CACNA1E: variants seen among roughly 807,000 people sequenced by gnomAD.
The protein encoded by CACNA1E is voltage-dependent R-type calcium channel subunit alpha-1E.
Under a neutral mutation model 259.2 loss-of-function variants are expected in CACNA1E, and 40 were observed. The ratio of observed to expected loss-of-function variants is 0.15; its 90% confidence interval spans 0.12 to 0.20. CACNA1E has a LOEUF of 0.20. CACNA1E is among the 10% of genes least tolerant of loss of function. CACNA1E has a pLI of 1.00. For missense variants in CACNA1E, 1,874 were observed against 3,040.1 expected, an observed-to-expected ratio of 0.62 and a Z score of 9.02; for synonymous variants, 1,104 against 1,138.5, an observed-to-expected ratio of 0.97 and a Z score of 0.61.
chr1:181,373,768 G>T (rs1006022153), intron 1 of CACNA1E, among the ~76,000 whole-genome samples: 1 of 151,984 alleles, frequency 6.6e-6, no homozygotes, highest in Non-Finnish European at 1.5e-5. Context: ...CTTGTGATCC[G>T]CCCGCCTTGG....
intron 35 of CACNA1E, among the ~76,000 whole-genome samples, chr1:181,768,237 A>G (rs1487251310): frequency 6.6e-6 from 1 of 152,198 alleles, no homozygotes; most frequent in African/African-American, 2.4e-5. Flanking sequence ...AATGGTGATA[A>G]TGCTGTTTAT....
intron 3 of CACNA1E, among the ~76,000 whole-genome samples, chr1:181,547,787 G>T (rs1647660596): frequency 1.3e-5 from 2 of 152,202 alleles, no homozygotes; most frequent in Non-Finnish European, 2.9e-5. Flanking sequence ...CATTCTTATT[G>T]TCAGTTCCAC....
chr1:181,420,865 A>C (rs1658678637), intron 2 of CACNA1E, among the ~76,000 whole-genome samples: 1 of 152,182 alleles, frequency 6.6e-6, no homozygotes, highest in African/African-American at 2.4e-5. Context: ...AGCACACTAC[A>C]TTGTAATTGC....
rs1558042600 is a variant in CACNA1E at position 181,485,086 on chromosome 1, G to C, written c.266+1076G>C. Reference sequence around the variant, plus strand: ...GAGGCAGTGAAGGGGATTAGTAGGAGGCAAGCTAGTGGTCTGGCGTTAAAT... The same window carrying C: ...GAGGCAGTGAAGGGGATTAGTAGGACGCAAGCTAGTGGTCTGGCGTTAAAT... On this transcript the variant is annotated intron_variant, in intron 1 of 47. Coordinates refer to ENST00000367573, the MANE Select transcript of CACNA1E (RefSeq NM_001205293.3). The surrounding 1 kb of genome is among the most constrained non-coding windows in gnomAD (Gnocchi z 4.2). 1.3e-5 allele frequency among the ~76,000 whole-genome samples: 2 copies of C among 152,256 alleles called. No homozygotes were observed. The highest frequency in any genetic ancestry group is 4.1e-4 in the South Asian group (2 of 4,832).
At chr1:181,542,871 A>G (rs1275618206) in intron 3 of CACNA1E, among the ~76,000 whole-genome samples, 1 of 149,734 alleles carries the variant, frequency 6.7e-6, no homozygotes, top group Non-Finnish European at 1.5e-5. Flanking sequence ...TGCTCCATAT[A>G]TAAGGGGTTT....
At chr1:181,419,536 G>C (rs1158417243) in intron 2 of CACNA1E, among the ~76,000 whole-genome samples, 2 of 151,956 alleles carry the variant, frequency 1.3e-5, no homozygotes, top group African/African-American at 4.8e-5. Context: ...AGCCCTTATT[G>C]TTTCCCCAAC....
chr1:181,345,107 G>A (rs1039991596), intron 1 of CACNA1E, among the ~76,000 whole-genome samples: 1 of 152,376 alleles, frequency 6.6e-6, no homozygotes, highest in South Asian at 2.1e-4. Flanking sequence ...AGCGCCAGAA[G>A]CCCCCTGCCT....
At position 181,450,952 on chromosome 1, in the gene CACNA1E, G is replaced by A. The variant is rs534887760; in HGVS notation, c.435-32792G>A. On this transcript the variant is annotated intron_variant, in intron 2 of 11. Transcript: ENST00000524607. ...GTAGGACTTTGTGATTGAAGAATAG[G>A]ATTGAGGGAGAGGAGGTGGCAATAA... 7.2e-5 allele frequency among the ~76,000 whole-genome samples: 11 copies of A among 152,290 alleles called. No homozygotes were observed. In the East Asian group the frequency reaches 2.1e-3, roughly 29 times the overall value.
chr1:181,381,761 G>A (rs1366752390), intron 1 of CACNA1E, among the ~76,000 whole-genome samples: 1 of 152,192 alleles, frequency 6.6e-6, no homozygotes, highest in African/African-American at 2.4e-5. Context: ...TAACTGTGAG[G>A]TTGTAAGCTT....
chr1:181,643,709 T>C (rs1022180989), intron 6 of CACNA1E, among the ~76,000 whole-genome samples: 3 of 152,172 alleles, frequency 2.0e-5, no homozygotes, highest in African/African-American at 7.2e-5. Context: ...ATTTTCCCAC[T>C]GGCAAAAGAA....
Position 181,552,711 on chromosome 1 carries a change from A to G in CACNA1E, c.513-25055A>G, listed in dbSNP as rs562019028. On this transcript the variant is annotated intron_variant, in intron 3 of 47. Transcript: ENST00000367573. ...GAACGTGCAGGTTTGTTACATAGGTATACGTGTGCCATGGTGGCTTGCTGC... is the reference window on the plus strand; with the variant it reads ...GAACGTGCAGGTTTGTTACATAGGTGTACGTGTGCCATGGTGGCTTGCTGC... Among the ~76,000 whole-genome samples the G allele has an allele frequency of 2.7e-3, 415 of 152,302 alleles. 1 individual carries two copies. Among genetic ancestry groups the G allele is most frequent in the African/African-American group, 8.8e-3 (364 of 41,564 alleles).
chr1:181,456,719 C>T (rs892205221), intron 2 of CACNA1E, among the ~76,000 whole-genome samples: 1 of 152,194 alleles, frequency 6.6e-6, no homozygotes, highest in Admixed American at 6.5e-5. Flanking sequence ...CAGGAAGGCA[C>T]TAAGCAGCAG....
intron 2 of CACNA1E, among the ~76,000 whole-genome samples, chr1:181,475,750 G>A (rs1379700428): frequency 6.6e-6 from 1 of 152,140 alleles, no homozygotes; most frequent in Non-Finnish European, 1.5e-5. Flanking sequence ...TTTGGGAGGG[G>A]GAGCTTGCTT....
chr1:181,693,626 A>G (rs1451128999), intron 7 of CACNA1E, among the ~76,000 whole-genome samples: 2 of 152,016 alleles, frequency 1.3e-5, no homozygotes, highest in East Asian at 3.8e-4. Flanking sequence ...GGACATAAAG[A>G]TGGCAACAAT....
At chr1:181,513,443 AC>A (rs532578123) in intron 3 of CACNA1E, among the ~76,000 whole-genome samples, 152 of 152,338 alleles carry the variant, frequency 1.0e-3, no homozygotes, top group African/African-American at 3.6e-3. Flanking sequence ...TTTTGCAGTT[AC>A]TTGACACTTG....
At position 181,771,397 on chromosome 1, in the gene CACNA1E, G is replaced by C. The variant is rs549596152; in HGVS notation, c.4973+13G>C. The C allele has an allele frequency of 4.5e-5, 65 of 1,449,078 alleles. No individual in the cohort carries two copies. Among genetic ancestry groups the C allele is most frequent in the Non-Finnish European group, 5.9e-5 (61 of 1,037,266 alleles). The allele number at this position is 1,449,078 out of a possible 1,614,324, so 89.8% of individuals were successfully genotyped here. A position where few individuals can be genotyped will look rare whatever the true frequency, so the allele number is the denominator to read the frequency against. ...TGCTACTCTTCAGGTACCTGGATGCGTAACTGTCATAGCTGGGGTTCTCCT... is the reference window on the plus strand; with the variant it reads ...TGCTACTCTTCAGGTACCTGGATGCCTAACTGTCATAGCTGGGGTTCTCCT... On this transcript the variant is annotated intron_variant, in intron 36 of 47. Transcript: ENST00000367573.
At chr1:181,727,270 T>C (rs1439840383) in intron 18 of CACNA1E, among the ~76,000 whole-genome samples, 2 of 152,082 alleles carry the variant, frequency 1.3e-5, no homozygotes, top group African/African-American at 4.8e-5. Context: ...AGAAATCAGC[T>C]AAGGAGACCA....
intron 3 of CACNA1E, among the ~76,000 whole-genome samples, chr1:181,569,908 T>G (rs1195044113): frequency 1.3e-5 from 2 of 152,188 alleles, no homozygotes; most frequent in Non-Finnish European, 2.9e-5. Context: ...ACCCATGTTC[T>G]AAGATATAAG....
chr1:181,584,088 A>T (rs1222948223), intron 6 of CACNA1E, among the ~76,000 whole-genome samples: 1 of 151,866 alleles, frequency 6.6e-6, no homozygotes, highest in Admixed American at 6.6e-5. Context: ...TCTGAGTCTT[A>T]TTTCTCTTTG....
Sources: gnomAD v4.1 joint callset for allele counts (sites outside exome capture counted in the v4.1 genomes callset) on GRCh38, gnomAD v4.1.1 for gene constraint, Gnocchi (gnomAD v3.1) non-coding constraint, MANE v1.5 for transcripts, NCBI Gene and HGNC (gene_info 2026-07-23, HGNC 2026-07-21) for gene names.